The following USP34 variants were observed in gnomAD, a reference collection of about 807,000 sequenced individuals.
The protein encoded by USP34 is ubiquitin carboxyl-terminal hydrolase 34.
Under a neutral mutation model 460.3 loss-of-function variants are expected in USP34, and 70 were observed. The observed-to-expected ratio is 0.15, with a 90% confidence interval of 0.13 to 0.19. USP34 has a LOEUF of 0.19. Ranked by LOEUF, USP34 falls within the 10% of genes least tolerant of loss-of-function variation. The pLI is 1.00. For synonymous variants in USP34, 1,647 were observed against 1,405.3 expected, an observed-to-expected ratio of 1.17 and a Z score of -3.85; for missense variants, 3,985 against 4,236.2, an observed-to-expected ratio of 0.94 and a Z score of 1.65.
chr2:61,267,376 G>A (rs977767677), intron 41 of USP34, among the ~76,000 whole-genome samples: 6 of 151,644 alleles, frequency 4.0e-5, no homozygotes, highest in African/African-American at 1.5e-4. Context: ...GTTAAAGAAT[G>A]TGTAATTCAT....
chr2:61,368,073 G>T (rs1370507809), intron 10 of USP34, among the ~76,000 whole-genome samples: 3 of 152,142 alleles, frequency 2.0e-5, no homozygotes, highest in African/African-American at 7.2e-5. Context: ...GGGTGACAGG[G>T]TCTCTGTTAT....
At chr2:61,461,943 C>T (rs906153882) in intron 1 of USP34, among the ~76,000 whole-genome samples, 1 of 152,014 alleles carries the variant, frequency 6.6e-6, no homozygotes, top group Non-Finnish European at 1.5e-5. Flanking sequence ...AAATCTTATA[C>T]AAAAACATGT....
At chr2:61,440,276 G>T (rs1156586729) in intron 1 of USP34, among the ~76,000 whole-genome samples, 2 of 152,074 alleles carry the variant, frequency 1.3e-5, no homozygotes, top group Non-Finnish European at 1.5e-5. Context: ...GAGGTCAAAG[G>T]GAAGTTGCAA....
chr2:61,281,096 A>G lies in USP34; in HGVS notation c.5145T>C (p.Pro1715=). 1 of 1,613,476 alleles carries G rather than the reference A, an allele frequency of 6.2e-7. No homozygotes were observed. Among genetic ancestry groups the G allele is most frequent in the African/African-American group, 1.3e-5 (1 of 75,038 alleles). ...AAACACAGTAAAATCTTACCCTAATAGGTTTGAGTGCTTGAGCATCAGGAA... is the reference window on the plus strand; with the variant it reads ...AAACACAGTAAAATCTTACCCTAATGGGTTTGAGTGCTTGAGCATCAGGAA... The part of the protein sequence containing the change: ...KFLPDAQALK[P]IRIDDYEEEP... The change falls in exon 38 of 80, where the codon CCT becomes CCC. Residue 1715 remains proline, a synonymous_variant. Coordinates refer to ENST00000398571, the MANE Select transcript of USP34 (RefSeq NM_014709.4).
At chr2:61,311,437 A>T in intron 27 of USP34, 103 bp downstream of exon 27, 1 of 1,276,690 alleles carries the variant, frequency 7.8e-7, no homozygotes, top group Non-Finnish European at 1.0e-6. Flanking sequence ...AAGAAAGAAA[A>T]GAAAAGGAGA....
chr2:61,437,258 A>T (rs561012967), intron 1 of USP34, among the ~76,000 whole-genome samples: 1 of 152,182 alleles, frequency 6.6e-6, no homozygotes, highest in South Asian at 2.1e-4. Context: ...TCATTTGAAA[A>T]GATAAACAAA....
intron 58 of USP34, among the ~76,000 whole-genome samples, 178 bp from the exon 59 acceptor site, chr2:61,229,811 T>C (rs1687838959): frequency 6.6e-6 from 1 of 152,128 alleles, no homozygotes; most frequent in African/African-American, 2.4e-5. Context: ...AAAGGTAGCA[T>C]TAAAAAAATT....
intron 6 of USP34, among the ~76,000 whole-genome samples, chr2:61,381,760 T>C (rs931774245): frequency 9.2e-5 from 14 of 152,184 alleles, no homozygotes; most frequent in African/African-American, 1.2e-4. Context: ...AGGTGACTCC[T>C]ATGGTTTTTA....
chr2:61,372,637 G>C (rs867834984), intron 8 of USP34, among the ~76,000 whole-genome samples: 1 of 152,134 alleles, frequency 6.6e-6, no homozygotes, highest in Admixed American at 6.5e-5. Context: ...TTTGAGTCCA[G>C]GTCAGAGCTG....
intron 2 of USP34, chr2:61,417,252 C>G: frequency 2.3e-6 from 3 of 1,283,174 alleles, no homozygotes; most frequent in Non-Finnish European, 3.4e-6. Flanking sequence ...AGGCCTGTCT[C>G]CAAGGTCCCT....
intron 10 of USP34, among the ~76,000 whole-genome samples, chr2:61,360,078 T>C (rs773597277): frequency 3.3e-5 from 5 of 151,960 alleles, no homozygotes; most frequent in Non-Finnish European, 7.4e-5. Context: ...TTTTTTCATA[T>C]ATAAAGCACA....
chr2:61,333,837 GA>G (rs769738509), intron 19 of USP34, 44 bp downstream of exon 19: 5 of 1,328,694 alleles, frequency 3.8e-6, no homozygotes, highest in Non-Finnish European at 3.0e-6. Context: ...ACTATAATTA[GA>G]AAAAAATCTT....
chr2:61,313,037 ACAT>A (rs1414039082), intron 25 of USP34, among the ~76,000 whole-genome samples: 1 of 152,192 alleles, frequency 6.6e-6, no homozygotes, highest in Non-Finnish European at 1.5e-5. Context: ...AGCACTAAGC[ACAT>A]CAAGAACAAA....
At chr2:61,258,666 G>A (rs1012664439) in intron 44 of USP34, among the ~76,000 whole-genome samples, 1 of 152,204 alleles carries the variant, frequency 6.6e-6, no homozygotes, top group Admixed American at 6.5e-5. Flanking sequence ...CAGAGGGTGT[G>A]TGCCATGGTG....
At position 61,187,773 on chromosome 2, in the gene USP34, T is replaced by TA; in HGVS notation, c.*328dup. 4 of 665,024 alleles carry TA rather than the reference T, an allele frequency of 6.0e-6. No homozygotes were observed. The highest frequency in any genetic ancestry group is 6.0e-6 in the Non-Finnish European group (3 of 502,936). The allele number at this position is 665,024 out of a possible 1,614,324, so 41.2% of individuals were successfully genotyped here. ...ACAGAGGACACCATATCATACACAG[T>TA]AAAAATGCTGTAAGTTTAAATTACA... On this transcript the variant is annotated 3_prime_UTR_variant, in exon 80 of 80. Transcript: ENST00000398571.
chr2:61,194,906 T>C (rs1341047733), intron 75 of USP34, among the ~76,000 whole-genome samples: 2 of 146,618 alleles, frequency 1.4e-5, no homozygotes, highest in African/African-American at 2.6e-5. Flanking sequence ...TGAGCCGAGA[T>C]CGTGCCATTG....
chr2:61,211,276 G>T (rs1687266612), intron 69 of USP34, among the ~76,000 whole-genome samples: 1 of 152,066 alleles, frequency 6.6e-6, no homozygotes, highest in South Asian at 2.1e-4. Context: ...TAGGTTAAGG[G>T]GAATTAAGGG....
chr2:61,467,066 G>A (rs1298492190), intron 1 of USP34, among the ~76,000 whole-genome samples: 1 of 152,048 alleles, frequency 6.6e-6, no homozygotes, highest in East Asian at 1.9e-4. Flanking sequence ...AGCATTTTGG[G>A]AGACGGAAGC....
chr2:61,198,557 CTTT>C (rs11340973), intron 75 of USP34, among the ~76,000 whole-genome samples: 6 of 139,528 alleles, frequency 4.3e-5, no homozygotes, highest in Admixed American at 7.2e-5. Flanking sequence ...ATCTGATAGA[CTTT>C]TTTTTTTTTT....
Sources: allele counts gnomAD v4.1 joint callset (sites outside exome capture counted in the v4.1 genomes callset), GRCh38; gene constraint gnomAD v4.1.1; transcripts MANE v1.5; gene names NCBI Gene and HGNC (gene_info 2026-07-23, HGNC 2026-07-21).